The following PCDHA11 variants were observed in gnomAD, a reference collection of about 807,000 sequenced individuals.
PCDHA11 encodes protocadherin alpha 11, also known as protocadherin alpha-11.
A neutral mutation model predicts 70.3 loss-of-function variants in PCDHA11; 61 were observed. The ratio of observed to expected loss-of-function variants is 0.87; its 90% confidence interval spans 0.71 to 1.07. The LOEUF (loss-of-function observed/expected upper bound fraction) is 1.07, where lower values mean the gene tolerates loss of function less well. Among genes scored for constraint, PCDHA11 ranks in the 50% least tolerant of loss-of-function variants. PCDHA11 has a pLI of 0.00. For synonymous variants in PCDHA11, 633 were observed against 555.1 expected (o/e 1.14, Z -1.97); for missense variants, 1,324 against 1,237.5 (o/e 1.07, Z -1.05).
chr5:140,942,846 A>C (rs1239885134), intron 1 of PCDHA11, among the ~76,000 whole-genome samples: 1 of 152,312 alleles, frequency 6.6e-6, no homozygotes, highest in East Asian at 1.9e-4. Flanking sequence ...AAATTCCAGT[A>C]AGATGATTAT....
intron 1 of PCDHA11, chr5:140,876,123 C>T (rs782271666): frequency 6.2e-7 from 1 of 1,613,906 alleles, no homozygotes; most frequent in East Asian, 2.2e-5. Flanking sequence ...TAATCGATGG[C>T]GGTAAACCAG....
intron 1 of PCDHA11, chr5:140,884,551 G>C (rs782613034): frequency 1.2e-6 from 2 of 1,614,134 alleles, no homozygotes; most frequent in Non-Finnish European, 1.7e-6. Flanking sequence ...TGTGCTCTGG[G>C]GAGGGCCCGC....
intron 1 of PCDHA11, among the ~76,000 whole-genome samples, chr5:140,954,167 CT>C (rs1366012595): frequency 2.6e-5 from 4 of 152,212 alleles, no homozygotes; most frequent in African/African-American, 9.6e-5. Context: ...ACCACATTTT[CT>C]TTATCCAGTC....
At chr5:140,966,796 G>A (rs1255615650) in intron 1 of PCDHA11, 8 of 1,535,610 alleles carry the variant, frequency 5.2e-6, no homozygotes, top group African/African-American at 1.4e-5. Flanking sequence ...GACCTGCGGC[G>A]ACAGAGCATC....
At position 140,897,620 on chromosome 5, in the gene PCDHA11, A is replaced by G. The variant is rs1317464980; in HGVS notation, c.2391+26126A>G. On this transcript the variant is annotated intron_variant, in intron 1 of 3. Coordinates refer to ENST00000398640, the MANE Select transcript of PCDHA11 (RefSeq NM_018902.5). Reference sequence around the variant, plus strand: ...ACATTTGGGTTGGTTCCAAGTCTTTACTATTGTGTATAGTGCCACAATAAA... The same window carrying G: ...ACATTTGGGTTGGTTCCAAGTCTTTGCTATTGTGTATAGTGCCACAATAAA... Among the ~76,000 whole-genome samples, 1,214 of 152,126 alleles carry G rather than the reference A, an allele frequency of 8.0e-3. 6 individuals are homozygous for G. The highest frequency in any genetic ancestry group is 0.019 in the African/African-American group (783 of 41,492).
intron 1 of PCDHA11, among the ~76,000 whole-genome samples, chr5:140,965,537 A>T (rs528440377): frequency 1.3e-5 from 2 of 152,204 alleles, no homozygotes; most frequent in East Asian, 3.9e-4. Context: ...ATGGAATCCA[A>T]ATTCCAGCCT....
chr5:140,963,543 T>C (rs1390082859), intron 1 of PCDHA11, among the ~76,000 whole-genome samples: 2 of 152,238 alleles, frequency 1.3e-5, no homozygotes, highest in East Asian at 1.9e-4. Flanking sequence ...TACTTCATGA[T>C]ATAAAAAGGG....
chr5:140,982,324 C>G, intron 2 of PCDHA11, 151 bp from the exon 3 acceptor site: 2 of 1,393,878 alleles, frequency 1.4e-6, no homozygotes, highest in East Asian at 5.1e-5. Context: ...TGCAGGGTGA[C>G]TGCTCAGCAG....
At chr5:140,971,728 C>A (rs1221096186) in intron 1 of PCDHA11, among the ~76,000 whole-genome samples, 2 of 151,550 alleles carry the variant, frequency 1.3e-5, no homozygotes, top group African/African-American at 2.4e-5. Flanking sequence ...GTATATCATA[C>A]ATATACACAT....
intron 1 of PCDHA11, among the ~76,000 whole-genome samples, chr5:140,920,769 G>T (rs2153558518): frequency 6.6e-6 from 1 of 151,918 alleles, no homozygotes; most frequent in African/African-American, 2.4e-5. Context: ...GCTTACACCT[G>T]GGAGGTGGAG....
intron 3 of PCDHA11, among the ~76,000 whole-genome samples, chr5:140,991,053 A>G (rs2097429648): frequency 6.6e-6 from 1 of 152,220 alleles, no homozygotes; most frequent in Non-Finnish European, 1.5e-5. Context: ...TGAGAGAAGT[A>G]CATTATTATT....
chr5:140,968,134 G>C, intron 1 of PCDHA11: 1 of 1,614,146 alleles, frequency 6.2e-7, no homozygotes, highest in Non-Finnish European at 8.5e-7. Context: ...GTACACTGAA[G>C]GTTGAGATCT....
Position 141,009,722 on chromosome 5 carries a change from G to A in PCDHA11, c.2635G>A (p.Gly879Ser), listed in dbSNP as rs552954748. ...KYGPGNPKQSGPGELPDKFII... is the reference protein window; with the variant it reads ...KYGPGNPKQSSPGELPDKFII... ...CGGACCAGGCAACCCCAAACAATCC[G>A]GTCCCGGTGAGTTGCCCGACAAATT... The change falls in exon 4 of 4, where the codon GGT (glycine) becomes AGT (serine). Residue 879 changes from glycine (G) to serine (S), a missense_variant. Gly to Ser is a moderately conservative substitution (Grantham distance 56). Transcript: ENST00000398640. 5.2e-5 allele frequency: 84 copies of A among 1,614,140 alleles called. No homozygotes were observed. The South Asian group carries it at 6.7e-4, about 13-fold the overall frequency.
At chr5:140,917,699 A>G (rs980073163) in intron 1 of PCDHA11, among the ~76,000 whole-genome samples, 1 of 152,058 alleles carries the variant, frequency 6.6e-6, no homozygotes, top group Non-Finnish European at 1.5e-5. Flanking sequence ...AGATCAGATA[A>G]TTGTAGGTGT....
rs2098422568 is a variant in PCDHA11 at position 141,011,988 on chromosome 5, C to A, written c.*2051C>A. ...AAACTGTCTTGTCTACTTTTAGCTTCATTCTCCCATATTTTGAAGGGTGTG... is the reference window on the plus strand; with the variant it reads ...AAACTGTCTTGTCTACTTTTAGCTTAATTCTCCCATATTTTGAAGGGTGTG... On this transcript the variant is annotated 3_prime_UTR_variant, in exon 4 of 4. Coordinates refer to ENST00000398640, the MANE Select transcript of PCDHA11 (RefSeq NM_018902.5). 6.5e-6 allele frequency: 1 copy of A among 153,688 alleles called. No individual in the cohort carries two copies. The highest frequency in any genetic ancestry group is 2.4e-5 in the African/African-American group (1 of 41,434). 9.5% of individuals were successfully genotyped at this position (153,688 alleles called of 1,614,324 possible). A position where few individuals can be genotyped will look rare whatever the true frequency, so the allele number is the denominator to read the frequency against.
intron 1 of PCDHA11, among the ~76,000 whole-genome samples, chr5:140,921,713 A>T (rs1247257514): frequency 2.0e-5 from 3 of 152,174 alleles, no homozygotes; most frequent in Non-Finnish European, 4.4e-5. Flanking sequence ...CAGTAAACAC[A>T]CGAATTACTC....
chr5:140,967,107 G>A (rs782199698), intron 1 of PCDHA11: 12 of 1,612,876 alleles, frequency 7.4e-6, no homozygotes, highest in Non-Finnish European at 9.3e-6. Context: ...TGTGAGCAGC[G>A]GCCTCGCTGC....
chr5:140,930,702 A>T (rs1359159980), intron 1 of PCDHA11, among the ~76,000 whole-genome samples: 1 of 152,234 alleles, frequency 6.6e-6, no homozygotes, highest in African/African-American at 2.4e-5. Context: ...CTTGTAAGTT[A>T]TTCTTCCTCA....
At chr5:140,989,619 TC>T (rs2097351060) in intron 3 of PCDHA11, among the ~76,000 whole-genome samples, 1 of 152,196 alleles carries the variant, frequency 6.6e-6, no homozygotes. Flanking sequence ...TGAAAGTCTG[TC>T]CTAGTGACAG....
Sources: gnomAD v4.1 joint callset for allele counts (sites outside exome capture counted in the v4.1 genomes callset) on GRCh38, gnomAD v4.1.1 for gene constraint, MANE v1.5 for transcripts, NCBI Gene and HGNC (gene_info 2026-07-23, HGNC 2026-07-21) for gene names.